Variants in LRRC14 observed in about 807,000 individuals in gnomAD.
LRRC14 encodes the protein leucine-rich repeat-containing protein 14.
A neutral mutation model predicts 25.3 loss-of-function variants in LRRC14; 16 were observed. That is an observed-to-expected ratio of 0.63 (90% CI 0.43 to 0.96). The LOEUF (loss-of-function observed/expected upper bound fraction) is 0.96, where lower values mean the gene tolerates loss of function less well. Ranked by LOEUF, LRRC14 falls within the 40% of genes least tolerant of loss-of-function variation. The probability of loss-of-function intolerance (pLI) is 0.00; values close to 1 mark genes in which losing one functional copy is unlikely to be tolerated. For synonymous variants in LRRC14, 359 were observed against 295.1 expected, an observed-to-expected ratio of 1.22 and a Z score of -2.22; for missense variants, 594 against 660.5, an observed-to-expected ratio of 0.90 and a Z score of 1.10.
rs1815945212 is a variant in LRRC14 at position 144,520,526 on chromosome 8, C to G, written c.618C>G (p.Pro206=). The G allele has an allele frequency of 6.3e-7, 1 of 1,599,660 alleles. No individual in the cohort carries two copies. Reference sequence around the variant, plus strand: ...GGGACCTGCGAGCTGAGGACCTGCCCATGCGCAACACTGTGGCCCTGCTGC... The same window carrying G: ...GGGACCTGCGAGCTGAGGACCTGCCGATGCGCAACACTGTGGCCCTGCTGC... ...CCRDLRAEDL[P]MRNTVALLQL... The change falls in exon 3 of 4, where the codon CCC becomes CCG. Residue 206 remains proline, a synonymous_variant. Coordinates refer to ENST00000292524, the MANE Select transcript of LRRC14 (RefSeq NM_014665.4).
chr8:144,522,241 C>CT lies in LRRC14; in HGVS notation c.*763_*764insT, dbSNP rs1462528608. Reference sequence around the variant, plus strand: ...GGCCAGGGCCAGCGAGGGACCCCCCCCATGCAGAGCTGGAGGTTGGGGTGA... The same window carrying CT: ...GGCCAGGGCCAGCGAGGGACCCCCCCTCATGCAGAGCTGGAGGTTGGGGTGA... On this transcript the variant is annotated 3_prime_UTR_variant, in exon 4 of 4. Coordinates refer to ENST00000292524, the MANE Select transcript of LRRC14 (RefSeq NM_014665.4). 1 of 521,006 alleles carries CT rather than the reference C, an allele frequency of 1.9e-6. No individual in the cohort carries two copies. Among genetic ancestry groups the CT allele is most frequent in the East Asian group, 3.6e-5 (1 of 27,936 alleles). The allele number at this position is 521,006 out of a possible 1,614,324, so 32.3% of individuals were successfully genotyped here. A position where few individuals can be genotyped will look rare whatever the true frequency, so the allele number is the denominator to read the frequency against.
chr8:144,523,711 A>G lies in LRRC14; in HGVS notation c.*2233A>G. ...GCAACAAGTGCCACTGTTTTTAGGAACCTGGGCGTCCACATAGACATCTCA... is the reference window on the plus strand; with the variant it reads ...GCAACAAGTGCCACTGTTTTTAGGAGCCTGGGCGTCCACATAGACATCTCA... On this transcript the variant is annotated 3_prime_UTR_variant, in exon 4 of 4. Transcript: ENST00000292524. 1 of 411,664 alleles carries G rather than the reference A, an allele frequency of 2.4e-6. No homozygotes were observed. The highest frequency in any genetic ancestry group is 6.6e-5 in the South Asian group (1 of 15,208). 25.5% of individuals were successfully genotyped at this position (411,664 alleles called of 1,614,324 possible).
chr8:144,524,573 C>T lies in LRRC14; in HGVS notation c.*3095C>T. The T allele has an allele frequency of 6.4e-7, 1 of 1,556,102 alleles. No homozygotes were observed. On this transcript the variant is annotated 3_prime_UTR_variant, in exon 4 of 4. Coordinates refer to ENST00000292524, the MANE Select transcript of LRRC14 (RefSeq NM_014665.4). ...GCAGCCGGTTGCTAGTGAGCGCCAG[C>T]TCCAGCAGGCGCGGCTGCGCGCGGA... is the stretch of plus-strand genomic sequence containing the variant.
In LRRC14 at chr8:144,520,033, C is replaced by T. The variant is rs1564818140; in HGVS notation, c.308C>T (p.Ala103Val). 3.1e-6 allele frequency: 5 copies of T among 1,607,000 alleles called. No individual in the cohort carries two copies. The highest frequency in any genetic ancestry group is 1.1e-5 in the South Asian group (1 of 91,076). The change falls in exon 2 of 4, where the codon GCC becomes GTC. Residue 103 changes from alanine (A) to valine (V), a missense_variant. Ala to Val is a moderately conservative substitution (Grantham distance 64, BLOSUM62 0). Coordinates refer to ENST00000292524, the MANE Select transcript of LRRC14 (RefSeq NM_014665.4). ...TARLHTSEPGASTQPLCRKHA... is the reference protein window; with the variant it reads ...TARLHTSEPGVSTQPLCRKHA... ...CGGCTCCACACCTCAGAGCCTGGGG[C>T]CAGCACACAGCCCCTCTGCAGGTAT... is the stretch of plus-strand genomic sequence containing the variant.
chr8:144,524,149 G>C lies in LRRC14; in HGVS notation c.*2671G>C, dbSNP rs377024973. The C allele has an allele frequency of 4.4e-6, 7 of 1,608,602 alleles. No homozygotes were observed. The African/African-American group carries it at 9.4e-5, about 21-fold the overall frequency. ...ACTTGCAGACTGGCCAGGGGCTGCA[G>C]GGCCTCTCGGCTGATGGTGCCCAGC... On this transcript the variant is annotated 3_prime_UTR_variant, in exon 4 of 4. Coordinates refer to ENST00000292524, the MANE Select transcript of LRRC14 (RefSeq NM_014665.4).
chr8:144,522,492 A>G lies in LRRC14; in HGVS notation c.*1014A>G. The G allele has an allele frequency of 2.0e-6, 3 of 1,493,884 alleles. No individual in the cohort carries two copies. Among genetic ancestry groups the G allele is most frequent in the Non-Finnish European group, 2.7e-6 (3 of 1,128,572 alleles). 92.5% of individuals were successfully genotyped at this position (1,493,884 alleles called of 1,614,324 possible). On this transcript the variant is annotated 3_prime_UTR_variant, in exon 4 of 4. Transcript: ENST00000292524. ...CCGCGGCCCTAGCAGTGGATCTCGT[A>G]GGCGACCGGCGGGGGCACGCGGAGT... is the stretch of plus-strand genomic sequence containing the variant.
At position 144,523,878 on chromosome 8, in the gene LRRC14, T is replaced by G; in HGVS notation, c.*2400T>G. On this transcript the variant is annotated 3_prime_UTR_variant, in exon 4 of 4. Transcript: ENST00000292524. ...GCCTAAAAGTGTGCAGAACCCTCAA[T>G]TCTGTTAAGTCACCCTGTGGAGTTC... 2 of 567,504 alleles carry G rather than the reference T, an allele frequency of 3.5e-6. No individual in the cohort carries two copies. The highest frequency in any genetic ancestry group is 3.0e-5 in the East Asian group (1 of 33,704). The allele number at this position is 567,504 out of a possible 1,614,324, so 35.2% of individuals were successfully genotyped here. A position where few individuals can be genotyped will look rare whatever the true frequency, so the allele number is the denominator to read the frequency against.
rs756953301 is a variant in LRRC14 at position 144,523,043 on chromosome 8, G to A, written c.*1565G>A. 5.0e-6 allele frequency: 8 copies of A among 1,602,246 alleles called. No individual in the cohort carries two copies. Among genetic ancestry groups the A allele is most frequent in the South Asian group, 1.1e-5 (1 of 90,722 alleles). On this transcript the variant is annotated 3_prime_UTR_variant, in exon 4 of 4. Transcript: ENST00000292524. ...GCTGAGGAAGAGCATGCCGCTGCCC[G>A]TGTCGGATGCCGAGTGTCCGCCCAG...
rs759864422 is a variant in LRRC14, at chr8:144,521,081, C to G, written c.1085C>G (p.Ala362Gly). ...GCACCCTTCCAGGGTCTGTTGCAGG[C>G]ATCAGCAGCCACACTGTTGCATCTG... is the stretch of plus-strand genomic sequence containing the variant. ...QLAPFQGLLQ[A>G]SAATLLHLEL... The change falls in exon 4 of 4, where the codon GCA (alanine) becomes GGA (glycine). Residue 362 changes from alanine (A) to glycine (G), a missense_variant. Ala to Gly is a moderately conservative substitution (Grantham distance 60, BLOSUM62 0). Transcript: ENST00000292524. The G allele has an allele frequency of 1.2e-6, 2 of 1,613,026 alleles. No homozygotes were observed. The highest frequency in any genetic ancestry group is 2.2e-5 in the South Asian group (2 of 91,088).
rs894593916 is a variant in LRRC14, at chr8:144,521,849, A to G, written c.*371A>G. On this transcript the variant is annotated 3_prime_UTR_variant, in exon 4 of 4. Coordinates refer to ENST00000292524, the MANE Select transcript of LRRC14 (RefSeq NM_014665.4). ...CTCTCTGGGCCTTTCCTCTCCCTTT[A>G]CTGAGAGCTCAGTGCTTCTGGGGTT... is the stretch of plus-strand genomic sequence containing the variant. 4.4e-6 allele frequency: 1 copy of G among 229,504 alleles called. No homozygotes were observed. The highest frequency in any genetic ancestry group is 7.3e-5 in the South Asian group (1 of 13,664). 14.2% of individuals were successfully genotyped at this position (229,504 alleles called of 1,614,324 possible).
chr8:144,518,923 C>T (rs1234784285), intron 1 of LRRC14: 1 of 152,276 alleles, frequency 6.6e-6, no homozygotes, highest in Non-Finnish European at 1.5e-5. Flanking sequence ...CTTCTGAATC[C>T]CACATACTTA....
rs1816312278 is a variant in LRRC14 at position 144,525,031 on chromosome 8, C to T, written c.*3553C>T. 13 of 1,375,492 alleles carry T rather than the reference C, an allele frequency of 9.5e-6. No individual in the cohort carries two copies. The highest frequency in any genetic ancestry group is 4.6e-5 in the African/African-American group (3 of 65,836). The allele number at this position is 1,375,492 out of a possible 1,614,324, so 85.2% of individuals were successfully genotyped here. On this transcript the variant is annotated 3_prime_UTR_variant, in exon 4 of 4. Coordinates refer to ENST00000292524, the MANE Select transcript of LRRC14 (RefSeq NM_014665.4). The stretch of plus-strand genomic sequence containing the variant: ...CGCGGTTCAGCCGCAGACGCGTGCC[C>T]TCCTGAAACACAGGTTGGCAGGCCA...
chr8:144,519,140 C>T (rs568882687), intron 1 of LRRC14: 92 of 158,140 alleles, frequency 5.8e-4, no homozygotes, highest in Non-Finnish European at 9.0e-4. Flanking sequence ...TTCAACCTGC[C>T]TTGTTGCTTA....
Position 144,520,601 on chromosome 8 carries a change from T to A in LRRC14, c.693T>A (p.Asn231Lys). ...CLRRVDLRFN[N>K]LGLRGLSVII... ...GCCGCGTGGACCTGCGCTTCAACAATCTGGGCCTGCGCGGCCTGTCTGTGA... is the reference window on the plus strand; with the variant it reads ...GCCGCGTGGACCTGCGCTTCAACAAACTGGGCCTGCGCGGCCTGTCTGTGA... Residue 231 changes from asparagine (N) to lysine (K), a missense_variant, in exon 3 of 4, where the codon AAT (asparagine) becomes AAA (lysine). Asn to Lys is a moderately conservative substitution (Grantham distance 94). Transcript: ENST00000292524. 6.2e-7 allele frequency: 1 copy of A among 1,601,342 alleles called. No individual in the cohort carries two copies. Among genetic ancestry groups the A allele is most frequent in the Non-Finnish European group, 8.5e-7 (1 of 1,179,934 alleles).
rs1382966068 is a variant in LRRC14, at chr8:144,522,410, A to G, written c.*932A>G. ...CACTGCGCGGCTTCCACCTTTACTG[A>G]CGGAGCATGCGCGAGGCCGCACCGG... On this transcript the variant is annotated 3_prime_UTR_variant, in exon 4 of 4. Transcript: ENST00000292524. 13 of 1,368,316 alleles carry G rather than the reference A, an allele frequency of 9.5e-6. No individual in the cohort carries two copies. The highest frequency in any genetic ancestry group is 1.2e-5 in the Non-Finnish European group (13 of 1,068,300). The allele number at this position is 1,368,316 out of a possible 1,614,324, so 84.8% of individuals were successfully genotyped here.
In LRRC14 at chr8:144,524,846, G is replaced by C. The variant is rs375566059; in HGVS notation, c.*3368G>C. ...TCCCTGGCGGGATTCCCAGCGGGACGACGCGCAACCGCAGGGCGCCACACT... is the reference window on the plus strand; with the variant it reads ...TCCCTGGCGGGATTCCCAGCGGGACCACGCGCAACCGCAGGGCGCCACACT... On this transcript the variant is annotated 3_prime_UTR_variant, in exon 4 of 4. Transcript: ENST00000292524. The C allele has an allele frequency of 9.6e-5, 143 of 1,484,688 alleles. No individual in the cohort carries two copies. In the African/African-American group the frequency reaches 1.8e-3, roughly 19 times the overall value. 92.0% of individuals were successfully genotyped at this position (1,484,688 alleles called of 1,614,324 possible).
At position 144,522,713 on chromosome 8, in the gene LRRC14, G is replaced by A; in HGVS notation, c.*1235G>A. 2 of 1,595,296 alleles carry A rather than the reference G, an allele frequency of 1.3e-6. No individual in the cohort carries two copies. The highest frequency in any genetic ancestry group is 1.7e-6 in the Non-Finnish European group (2 of 1,172,094). ...CGCTCCCTCCCCCGGAGGCCCCCGC[G>A]CCTTTTTTCGCCTGCGGCGCCGGCG... On this transcript the variant is annotated 3_prime_UTR_variant, in exon 4 of 4. Transcript: ENST00000292524.
Position 144,524,439 on chromosome 8 carries a change from A to G in LRRC14, c.*2961A>G. On this transcript the variant is annotated 3_prime_UTR_variant, in exon 4 of 4. Coordinates refer to ENST00000292524, the MANE Select transcript of LRRC14 (RefSeq NM_014665.4). ...CCGCCCCTTTAGACCCCAGGCGCTC[A>G]CCGGCAGGTGCAAGAAGGTGAAATC... 2 of 1,597,764 alleles carry G rather than the reference A, an allele frequency of 1.3e-6. No individual in the cohort carries two copies. Among genetic ancestry groups the G allele is most frequent in the Non-Finnish European group, 1.7e-6 (2 of 1,179,762 alleles).
At position 144,524,681 on chromosome 8, in the gene LRRC14, C is replaced by T. The variant is rs1816289456; in HGVS notation, c.*3203C>T. The T allele has an allele frequency of 1.4e-6, 2 of 1,475,822 alleles. No individual in the cohort carries two copies. Among genetic ancestry groups the T allele is most frequent in the Non-Finnish European group, 1.8e-6 (2 of 1,124,298 alleles). The allele number at this position is 1,475,822 out of a possible 1,614,324, so 91.4% of individuals were successfully genotyped here. ...CGGCGAGTGGCGCCAGGGCTCCCGG[C>T]TCTAGGCGGGCGATGTTGTTGTCCT... is the stretch of plus-strand genomic sequence containing the variant. On this transcript the variant is annotated 3_prime_UTR_variant, in exon 4 of 4. Transcript: ENST00000292524.
Sources: allele counts gnomAD v4.1 joint callset, GRCh38; gene constraint gnomAD v4.1.1; transcripts MANE v1.5; gene names NCBI Gene and HGNC (gene_info 2026-07-23, HGNC 2026-07-21).